The following PRKCE variants were observed in gnomAD, a reference collection of about 807,000 sequenced individuals.
The protein encoded by PRKCE is protein kinase C epsilon.
A neutral mutation model predicts 85.4 loss-of-function variants in PRKCE; 16 were observed. The observed-to-expected ratio is 0.19, with a 90% CI of 0.13 to 0.28. The LOEUF is 0.28. PRKCE is among the 10% of genes least tolerant of loss of function. The pLI, the probability that PRKCE is intolerant of heterozygous loss-of-function variation, is 1.00. For missense variants in PRKCE, 573 were observed against 975.2 expected (o/e 0.59, Z 5.49); for synonymous variants, 388 against 371.5 (o/e 1.04, Z -0.51).
chr2:45,768,563 G>C (rs554228445), intron 1 of PRKCE, among the ~76,000 whole-genome samples: 1 of 152,290 alleles, frequency 6.6e-6, no homozygotes, highest in South Asian at 2.1e-4. Flanking sequence ...GAGTTAGGAG[G>C]GGACAGTGAG....
intron 1 of PRKCE, among the ~76,000 whole-genome samples, chr2:45,776,804 A>C (rs914733045): frequency 6.6e-5 from 10 of 152,178 alleles, no homozygotes; most frequent in Non-Finnish European, 1.5e-5. Flanking sequence ...GCCTTTTGTC[A>C]TGTATGCCTC....
chr2:45,984,748 G>T, intron 6 of PRKCE, 68 bp downstream of exon 6: 1 of 1,541,364 alleles, frequency 6.5e-7, no homozygotes. Context: ...CCCCATCCCT[G>T]CTTTATAAAA....
rs936805638 is a variant in PRKCE at position 45,948,033 on chromosome 2, T to G, written c.413-28396T>G. Among the ~76,000 whole-genome samples, 7 of 152,242 alleles carry G rather than the reference T, an allele frequency of 4.6e-5. No homozygotes were observed. The East Asian group carries it at 7.7e-4, about 17-fold the overall frequency. ...AGACCATGTTCAGGCATTGCTCACC[T>G]ACGTGAATGTCTTATATCTAAGTGG... On this transcript the variant is annotated intron_variant, in intron 2 of 14. Coordinates refer to ENST00000306156, the MANE Select transcript of PRKCE (RefSeq NM_005400.3).
intron 1 of PRKCE, among the ~76,000 whole-genome samples, chr2:45,710,907 A>G (rs1432922118): frequency 6.6e-6 from 1 of 152,208 alleles, no homozygotes; most frequent in Non-Finnish European, 1.5e-5. Context: ...GGGTGCTGGG[A>G]GAGAGGGGGG....
At chr2:46,135,178 T>C (rs1473449232) in intron 11 of PRKCE, among the ~76,000 whole-genome samples, 2 of 152,212 alleles carry the variant, frequency 1.3e-5, no homozygotes, top group African/African-American at 4.8e-5. Flanking sequence ...TGAGAGGACA[T>C]CTATTTGATC....
At chr2:45,762,774 C>G (rs1325347030) in intron 1 of PRKCE, among the ~76,000 whole-genome samples, 1 of 152,132 alleles carries the variant, frequency 6.6e-6, no homozygotes, top group Non-Finnish European at 1.5e-5. Flanking sequence ...AGCAACCTAA[C>G]GGAAACCTGA....
At chr2:45,944,474 G>A (rs1054465773) in intron 2 of PRKCE, among the ~76,000 whole-genome samples, 1 of 151,818 alleles carries the variant, frequency 6.6e-6, no homozygotes, top group East Asian at 1.9e-4. Context: ...ATGTAAATTC[G>A]TCCTCAATTT....
chr2:45,969,359 A>T (rs1701952484), intron 2 of PRKCE, among the ~76,000 whole-genome samples: 1 of 152,128 alleles, frequency 6.6e-6, no homozygotes, highest in African/African-American at 2.4e-5. Context: ...AAAGAGCCAA[A>T]TGGGTCCTCT....
intron 2 of PRKCE, among the ~76,000 whole-genome samples, chr2:45,858,615 C>T (rs1177960048): frequency 6.6e-6 from 1 of 152,118 alleles, no homozygotes; most frequent in Non-Finnish European, 1.5e-5. Flanking sequence ...TTTTTTCCCC[C>T]AATGGGGGAA....
chr2:45,766,084 C>A lies in PRKCE; in HGVS notation c.349-76916C>A, dbSNP rs113574387. Among the ~76,000 whole-genome samples, 517 of 152,284 alleles carry A rather than the reference C, an allele frequency of 3.4e-3. 3 individuals are homozygous for A. The highest frequency in any genetic ancestry group is 0.012 in the African/African-American group (487 of 41,534). Reference sequence around the variant, plus strand: ...GAGATTATTTTAGGACTCTGGCAAGCACAGCAGTTCCCTTGCATTGCTGGC... The same window carrying A: ...GAGATTATTTTAGGACTCTGGCAAGAACAGCAGTTCCCTTGCATTGCTGGC... On this transcript the variant is annotated intron_variant, in intron 1 of 14. Coordinates refer to ENST00000306156, the MANE Select transcript of PRKCE (RefSeq NM_005400.3).
chr2:45,840,281 G>A (rs888894333), intron 1 of PRKCE: 1 of 152,208 alleles, frequency 6.6e-6, no homozygotes, highest in Non-Finnish European at 1.5e-5. Context: ...TTAGGCAAGA[G>A]GGCCCCTGAT....
At chr2:45,912,154 C>G (rs1023282456) in intron 2 of PRKCE, among the ~76,000 whole-genome samples, 5 of 152,066 alleles carry the variant, frequency 3.3e-5, no homozygotes, top group Non-Finnish European at 5.9e-5. Context: ...ATACCAGGAA[C>G]GATGGCAACC....
At chr2:45,918,542 T>C (rs894767691) in intron 2 of PRKCE, among the ~76,000 whole-genome samples, 5 of 152,306 alleles carry the variant, frequency 3.3e-5, no homozygotes, top group African/African-American at 1.2e-4. Flanking sequence ...TAAATGCAAT[T>C]GGAGGAGGAA....
intron 1 of PRKCE, among the ~76,000 whole-genome samples, chr2:45,752,595 G>A (rs55769966): frequency 0.045 from 6,856 of 152,156 alleles, 168 homozygotes; most frequent in Middle Eastern, 0.068. Context: ...AGCCGGTCTC[G>A]GTGATCTCCC....
chr2:45,896,964 G>A (rs1168326923), intron 2 of PRKCE, among the ~76,000 whole-genome samples: 2 of 152,188 alleles, frequency 1.3e-5, no homozygotes, highest in South Asian at 4.2e-4. Flanking sequence ...TGTAGTCCTA[G>A]CTACTTGGGA....
chr2:45,984,164 C>T (rs1192100590), intron 5 of PRKCE, among the ~76,000 whole-genome samples: 1 of 152,074 alleles, frequency 6.6e-6, no homozygotes, highest in African/African-American at 2.4e-5. Flanking sequence ...TCTCGAACTC[C>T]TGACCTCAGG....
chr2:45,776,832 G>T (rs1295694434), intron 1 of PRKCE, among the ~76,000 whole-genome samples: 1 of 152,164 alleles, frequency 6.6e-6, no homozygotes, highest in African/African-American at 2.4e-5. Context: ...TTTCTGACTA[G>T]AACTCTCCAA....
At chr2:45,965,987 T>G (rs1701702822) in intron 2 of PRKCE, among the ~76,000 whole-genome samples, 1 of 152,070 alleles carries the variant, frequency 6.6e-6, no homozygotes, top group Non-Finnish European at 1.5e-5. Context: ...CAAGGGCAGA[T>G]GTGTGGGGAG....
chr2:45,871,088 A>G (rs1216912793), intron 2 of PRKCE, among the ~76,000 whole-genome samples: 1 of 152,174 alleles, frequency 6.6e-6, no homozygotes, highest in Non-Finnish European at 1.5e-5. Flanking sequence ...CTTGTCTTCT[A>G]AAGTTCCAGG....
Sources: gnomAD v4.1 joint callset for allele counts (sites outside exome capture counted in the v4.1 genomes callset) on GRCh38, gnomAD v4.1.1 for gene constraint, MANE v1.5 for transcripts, NCBI Gene and HGNC (gene_info 2026-07-23, HGNC 2026-07-21) for gene names.